The following USH1G variants were observed in gnomAD, a reference collection of about 807,000 sequenced individuals.
USH1G encodes the protein pre-mRNA splicing regulator USH1G.
In USH1G, 27 loss-of-function variants were observed where a neutral mutation model predicts 31.9. The observed-to-expected ratio is 0.85, with a 90% confidence interval of 0.62 to 1.17. USH1G has a LOEUF of 1.17. Ranked by LOEUF, USH1G falls within the 50% of genes most tolerant of loss-of-function variation. The pLI, the probability that USH1G is intolerant of heterozygous loss-of-function variation, is 0.00. For missense variants in USH1G, 674 were observed against 638.9 expected (o/e 1.05, Z -0.59); for synonymous variants, 266 against 283.2 (o/e 0.94, Z 0.61).
chr17:74,922,768 C>T (rs1424116845), intron 1 of USH1G, 142 bp downstream of exon 1: 9 of 992,500 alleles, frequency 9.1e-6, no homozygotes, highest in African/African-American at 3.4e-5. Flanking sequence ...CTTGGGTCCC[C>T]TCAACATGTG....
In USH1G at chr17:74,920,739, A is replaced by AG. The variant is rs2038933631; in HGVS notation, c.165-69dup. On this transcript the variant is annotated intron_variant, in intron 1 of 2. Transcript: ENST00000614341. The surrounding 1 kb of genome is among the most constrained non-coding windows in gnomAD (Gnocchi z 5.2). ...CTGGGGATGGAGGTGGAGGGAGTGG[A>AG]GGGGGGAGGGGAGCTTCCCCACTGT... 5.4e-6 allele frequency: 6 copies of AG among 1,119,472 alleles called. No homozygotes were observed. Among genetic ancestry groups the AG allele is most frequent in the Admixed American group, 1.9e-5 (1 of 53,002 alleles). The allele number at this position is 1,119,472 out of a possible 1,614,324, so 69.3% of individuals were successfully genotyped here. A position where few individuals can be genotyped will look rare whatever the true frequency, so the allele number is the denominator to read the frequency against.
At position 74,919,377 on chromosome 17, in the gene USH1G, T is replaced by A; in HGVS notation, c.1382+77A>T. On this transcript the variant is annotated intron_variant, in intron 2 of 2. Coordinates refer to ENST00000614341, the MANE Select transcript of USH1G (RefSeq NM_173477.5). This position sits in a 1 kb window ranked among gnomAD's most constrained non-coding sequence, Gnocchi z 4.5. Reference sequence around the variant, plus strand: ...GTATCCCCCACCCCCTACTCCTGAATAGGCAGATCTGTACCCCCTCCCCAG... The same window carrying A: ...GTATCCCCCACCCCCTACTCCTGAAAAGGCAGATCTGTACCCCCTCCCCAG... The A allele has an allele frequency of 2.4e-5, 30 of 1,241,244 alleles. No individual in the cohort carries two copies. Among genetic ancestry groups the A allele is most frequent in the Non-Finnish European group, 2.9e-5 (27 of 917,200 alleles). The allele number at this position is 1,241,244 out of a possible 1,614,324, so 76.9% of individuals were successfully genotyped here.
chr17:74,919,525 CTTTCGG>C lies in USH1G; in HGVS notation c.1305_1310del (p.Arg436_Lys437del), dbSNP rs2038906197. The C allele has an allele frequency of 1.2e-6, 2 of 1,611,914 alleles. No individual in the cohort carries two copies. The highest frequency in any genetic ancestry group is 3.3e-5 in the Admixed American group (2 of 60,004). On this transcript the variant is annotated inframe_deletion, in exon 2 of 3. Transcript: ENST00000614341. The surrounding 1 kb of genome is among the most constrained non-coding windows in gnomAD (Gnocchi z 4.5). The stretch of plus-strand genomic sequence containing the variant: ...GCCTCCTCACGGCCCCCAAGATCTT[CTTTCGG>C]GGCCCCAGTGGGACGCTGATGCTGC...
Position 74,920,188 on chromosome 17 carries a change from C to T in USH1G, c.648G>A (p.Met216Ile). The T allele has an allele frequency of 6.2e-7, 1 of 1,602,392 alleles. No individual in the cohort carries two copies. The highest frequency in any genetic ancestry group is 8.5e-7 in the Non-Finnish European group (1 of 1,179,832). Reference sequence around the variant, plus strand: ...GCTTGCGCCGCTCCAGCTTCTTCTGCATCTTGGTCTTGCCCCTGGCCGTGC... The same window carrying T: ...GCTTGCGCCGCTCCAGCTTCTTCTGTATCTTGGTCTTGCCCCTGGCCGTGC... ...LHGTARGKTK[M>I]QKKLERRKQG... Residue 216 changes from methionine to isoleucine, a missense_variant, in exon 2 of 3, where the codon ATG (methionine) becomes ATA (isoleucine). Coordinates refer to ENST00000614341, the MANE Select transcript of USH1G (RefSeq NM_173477.5). This position sits in a 1 kb window ranked among gnomAD's most constrained non-coding sequence, Gnocchi z 5.2.
chr17:74,920,780 A>G lies in USH1G; in HGVS notation c.165-109T>C. ...TCCCCACTGTCACAGCAACCCCCAA[A>G]GGGACCGTGGGCCTGAGATCTCTCC... is the stretch of plus-strand genomic sequence containing the variant. On this transcript the variant is annotated intron_variant, in intron 1 of 2. Transcript: ENST00000614341. This position sits in a 1 kb window ranked among gnomAD's most constrained non-coding sequence, Gnocchi z 5.2. 2 of 1,485,940 alleles carry G rather than the reference A, an allele frequency of 1.3e-6. No homozygotes were observed. The highest frequency in any genetic ancestry group is 1.8e-6 in the Non-Finnish European group (2 of 1,099,434). The allele number at this position is 1,485,940 out of a possible 1,614,324, so 92.0% of individuals were successfully genotyped here.
Position 74,919,705 on chromosome 17 carries a change from GA to G in USH1G, c.1130del (p.Leu377ProfsTer3). ...CCAGGTCCTCGTCCAAGCCTAAATC[GA>G]GCTCATCCCAGGGCAGCTCCTCCCC... Reference protein sequence around the residue: ...SCGEELPWDELDLGLDEDLEP... With the variant: ...SCGEELPWDEXDLGLDEDLEP... On this transcript the variant is annotated frameshift_variant, in exon 2 of 3. Coordinates refer to ENST00000614341, the MANE Select transcript of USH1G (RefSeq NM_173477.5). LOFTEE classifies it high-confidence loss of function. The surrounding 1 kb of genome is among the most constrained non-coding windows in gnomAD (Gnocchi z 4.5). 1 of 1,612,864 alleles carries G rather than the reference GA, an allele frequency of 6.2e-7. No homozygotes were observed. Among genetic ancestry groups the G allele is most frequent in the Non-Finnish European group, 8.5e-7 (1 of 1,180,012 alleles).
At position 74,919,925 on chromosome 17, in the gene USH1G, T is replaced by G; in HGVS notation, c.911A>C (p.Asp304Ala). The change falls in exon 2 of 3, where the codon GAC becomes GCC. Residue 304 changes from aspartate (D) to alanine (A), a missense_variant. By Grantham distance (126) the Asp-to-Ala change is moderately radical. Transcript: ENST00000614341. This position sits in a 1 kb window ranked among gnomAD's most constrained non-coding sequence, Gnocchi z 4.5. ...HSEVSTDSGH[D>A]SLFTRPGLGT... ...CAGGCCGGGGCGGGTAAACAGGGAG[T>G]CGTGGCCTGAGTCGGTGCTGACCTC... The G allele has an allele frequency of 6.2e-7, 1 of 1,611,610 alleles. No individual in the cohort carries two copies. The highest frequency in any genetic ancestry group is 8.5e-7 in the Non-Finnish European group (1 of 1,179,476).
chr17:74,920,742 G>C lies in USH1G; in HGVS notation c.165-71C>G, dbSNP rs533235580. The C allele has an allele frequency of 1.6e-5, 25 of 1,589,326 alleles. 1 individual carries two copies. The South Asian group carries it at 2.5e-4, about 16-fold the overall frequency. ...GGGATGGAGGTGGAGGGAGTGGAGG[G>C]GGGAGGGGAGCTTCCCCACTGTCAC... is the stretch of plus-strand genomic sequence containing the variant. On this transcript the variant is annotated intron_variant, in intron 1 of 2. Transcript: ENST00000614341. The surrounding 1 kb of genome is among the most constrained non-coding windows in gnomAD (Gnocchi z 5.2).
At position 74,917,423 on chromosome 17, in the gene USH1G, G is replaced by A. The variant is rs2038881569; in HGVS notation, c.*650C>T. 2 of 154,716 alleles carry A rather than the reference G, an allele frequency of 1.3e-5. No homozygotes were observed. The highest frequency in any genetic ancestry group is 6.3e-5 in the Admixed American group (1 of 15,892). 9.6% of individuals were successfully genotyped at this position (154,716 alleles called of 1,614,324 possible). On this transcript the variant is annotated 3_prime_UTR_variant, in exon 3 of 3. Coordinates refer to ENST00000614341, the MANE Select transcript of USH1G (RefSeq NM_173477.5). Reference sequence around the variant, plus strand: ...GCCAGGCTCCACCCCTGGATGAGCTGGGAAGGGCGTCAGTACCCCCACCCC... The same window carrying A: ...GCCAGGCTCCACCCCTGGATGAGCTAGGAAGGGCGTCAGTACCCCCACCCC...
rs112795605 is a variant in USH1G, at chr17:74,922,394, C to A, written c.164+516G>T. Among the ~76,000 whole-genome samples the A allele has an allele frequency of 6.6e-3, 999 of 152,204 alleles. 10 individuals carry two copies. The highest frequency in any genetic ancestry group is 0.02 in the African/African-American group (836 of 41,504). On this transcript the variant is annotated intron_variant, in intron 1 of 2. Coordinates refer to ENST00000614341, the MANE Select transcript of USH1G (RefSeq NM_173477.5). Reference sequence around the variant, plus strand: ...GAGTGGCTGAATCAGTGACATTTGGCGCCCTGGACAGTGTCCATAAATCCC... The same window carrying A: ...GAGTGGCTGAATCAGTGACATTTGGAGCCCTGGACAGTGTCCATAAATCCC...
chr17:74,920,093 TG>T lies in USH1G; in HGVS notation c.742del (p.Gln248SerfsTer6). On this transcript the variant is annotated frameshift_variant, in exon 2 of 3. Coordinates refer to ENST00000614341, the MANE Select transcript of USH1G (RefSeq NM_173477.5). LOFTEE classifies it high-confidence loss of function. The surrounding 1 kb of genome is among the most constrained non-coding windows in gnomAD (Gnocchi z 5.2). ...CACGAACATCACGTCGCTGCCCAGC[TG>T]CAGGCCCGAGAGCGAGCGGGCGCTC... Reference protein sequence around the residue: ...RKSARSLSGLQLGSDVMFVRQ... With the variant: ...RKSARSLSGLXLGSDVMFVRQ... The T allele has an allele frequency of 6.2e-7, 1 of 1,604,740 alleles. No homozygotes were observed. The highest frequency in any genetic ancestry group is 2.2e-5 in the East Asian group (1 of 44,858).
In USH1G at chr17:74,921,745, C is replaced by A. The variant is rs984898173; in HGVS notation, c.165-1074G>T. ...GGGGCTTGGTGTACCCAAGGGGAGC[C>A]CTCTTCCCCTCCTCTCATGAGCCTC... On this transcript the variant is annotated intron_variant, in intron 1 of 2. Coordinates refer to ENST00000614341, the MANE Select transcript of USH1G (RefSeq NM_173477.5). This position sits in a 1 kb window ranked among gnomAD's most constrained non-coding sequence, Gnocchi z 4.6. Among the ~76,000 whole-genome samples the A allele has an allele frequency of 2.0e-5, 3 of 152,164 alleles. No homozygotes were observed. Among genetic ancestry groups the A allele is most frequent in the Non-Finnish European group, 4.4e-5 (3 of 68,020 alleles).
At position 74,919,840 on chromosome 17, in the gene USH1G, C is replaced by A; in HGVS notation, c.996G>T (p.Glu332Asp). 6.2e-7 allele frequency: 1 copy of A among 1,613,110 alleles called. No homozygotes were observed. Among genetic ancestry groups the A allele is most frequent in the Non-Finnish European group, 8.5e-7 (1 of 1,179,966 alleles). Reference sequence around the variant, plus strand: ...CTCCCACCCCATCCAGACCCCCATCCTCGCGGCCCAGTCCGTGCAGCCCAC... The same window carrying A: ...CTCCCACCCCATCCAGACCCCCATCATCGCGGCCCAGTCCGTGCAGCCCAC... Reference protein sequence around the residue: ...LSSGLHGLGREDGGLDGVGAP... With the variant: ...LSSGLHGLGRDDGGLDGVGAP... Residue 332 changes from glutamate (E) to aspartate (D), a missense_variant, in exon 2 of 3, where the codon GAG becomes GAT. Physicochemically the swap from Glu to Asp is conservative, Grantham distance 45 (BLOSUM62 2). Transcript: ENST00000614341. The surrounding 1 kb of genome is among the most constrained non-coding windows in gnomAD (Gnocchi z 4.5).
Position 74,920,814 on chromosome 17 carries a change from G to A in USH1G, c.165-143C>T, listed in dbSNP as rs566064201. ...GGGCCTGAGATCTCTCCCACTCCAG[G>A]AGACCTGCAGGCCTGAGCCACCCAA... On this transcript the variant is annotated intron_variant, in intron 1 of 2. Coordinates refer to ENST00000614341, the MANE Select transcript of USH1G (RefSeq NM_173477.5). The surrounding 1 kb of genome is among the most constrained non-coding windows in gnomAD (Gnocchi z 5.2). 14 of 1,299,930 alleles carry A rather than the reference G, an allele frequency of 1.1e-5. No homozygotes were observed. In the East Asian group the frequency reaches 3.5e-4, roughly 33 times the overall value. 80.5% of individuals were successfully genotyped at this position (1,299,930 alleles called of 1,614,324 possible).
chr17:74,923,075 G>C lies in USH1G; in HGVS notation c.-2C>G, dbSNP rs758940726. On this transcript the variant is annotated 5_prime_UTR_variant, in exon 1 of 3. Coordinates refer to ENST00000614341, the MANE Select transcript of USH1G (RefSeq NM_173477.5). The surrounding 1 kb of genome is among the most constrained non-coding windows in gnomAD (Gnocchi z 5.3). ...TGCCCGGTGGTACTGGTCGTTCATG[G>C]CGCCCGAAGTGGACGGGGCGGGCGG... is the stretch of plus-strand genomic sequence containing the variant. The C allele has an allele frequency of 6.3e-7, 1 of 1,580,474 alleles. No individual in the cohort carries two copies. Among genetic ancestry groups the C allele is most frequent in the African/African-American group, 1.3e-5 (1 of 74,296 alleles).
In USH1G at chr17:74,918,346, G is replaced by A. The variant is rs185255718; in HGVS notation, c.1383-270C>T. On this transcript the variant is annotated intron_variant, in intron 2 of 2. Coordinates refer to ENST00000614341, the MANE Select transcript of USH1G (RefSeq NM_173477.5). The surrounding 1 kb of genome is among the most constrained non-coding windows in gnomAD (Gnocchi z 4.1). ...GAGGACAAAGTTTGTTGGGCCTGTGGGATGCCATTGGGGAGGGGCCAGGGC... is the reference window on the plus strand; with the variant it reads ...GAGGACAAAGTTTGTTGGGCCTGTGAGATGCCATTGGGGAGGGGCCAGGGC... Among the ~76,000 whole-genome samples the A allele has an allele frequency of 2.6e-5, 4 of 152,306 alleles. No individual in the cohort carries two copies. The highest frequency in any genetic ancestry group is 1.5e-5 in the Non-Finnish European group (1 of 68,018).
In USH1G at chr17:74,919,951, C is replaced by G. The variant is rs573443794; in HGVS notation, c.885G>C (p.Ser295=). 1.2e-6 allele frequency: 2 copies of G among 1,611,912 alleles called. No individual in the cohort carries two copies. Among genetic ancestry groups the G allele is most frequent in the East Asian group, 4.5e-5 (2 of 44,848 alleles). The part of the protein sequence containing the change: ...RATLAAEPAH[S]EVSTDSGHDS... Reference sequence around the variant, plus strand: ...CGTGGCCTGAGTCGGTGCTGACCTCCGAGTGGGCAGGCTCGGCCGCCAGCG... The same window carrying G: ...CGTGGCCTGAGTCGGTGCTGACCTCGGAGTGGGCAGGCTCGGCCGCCAGCG... Residue 295 remains serine, a synonymous_variant, in exon 2 of 3, where the codon TCG becomes TCC. Transcript: ENST00000614341. The surrounding 1 kb of genome is among the most constrained non-coding windows in gnomAD (Gnocchi z 4.5).
chr17:74,921,485 C>T lies in USH1G; in HGVS notation c.165-814G>A, dbSNP rs1034661772. Reference sequence around the variant, plus strand: ...CCAGGGCAAGCTCCCAAGACTCCTCCGGAGCTCTCCCTCCCTTGGGGGCCC... The same window carrying T: ...CCAGGGCAAGCTCCCAAGACTCCTCTGGAGCTCTCCCTCCCTTGGGGGCCC... On this transcript the variant is annotated intron_variant, in intron 1 of 2. Coordinates refer to ENST00000614341, the MANE Select transcript of USH1G (RefSeq NM_173477.5). This position sits in a 1 kb window ranked among gnomAD's most constrained non-coding sequence, Gnocchi z 4.6. Among the ~76,000 whole-genome samples, 3 of 151,836 alleles carry T rather than the reference C, an allele frequency of 2.0e-5. No individual in the cohort carries two copies. Among genetic ancestry groups the T allele is most frequent in the Non-Finnish European group, 4.4e-5 (3 of 67,860 alleles).
In USH1G at chr17:74,918,178, C is replaced by G; in HGVS notation, c.1383-102G>C. ...TCTGGACAACTTAGCCTCCCCATCT[C>G]TCGGCAGGCCAATTGTCAGGGATGG... On this transcript the variant is annotated intron_variant, in intron 2 of 2. Transcript: ENST00000614341. This position sits in a 1 kb window ranked among gnomAD's most constrained non-coding sequence, Gnocchi z 4.1. 6.6e-7 allele frequency: 1 copy of G among 1,511,954 alleles called. No individual in the cohort carries two copies. The highest frequency in any genetic ancestry group is 9.1e-7 in the Non-Finnish European group (1 of 1,103,514). The allele number at this position is 1,511,954 out of a possible 1,614,324, so 93.7% of individuals were successfully genotyped here.
Sources: gnomAD v4.1 joint callset for allele counts (sites outside exome capture counted in the v4.1 genomes callset) on GRCh38, gnomAD v4.1.1 for gene constraint, Gnocchi (gnomAD v3.1) non-coding constraint, MANE v1.5 for transcripts, NCBI Gene and HGNC (gene_info 2026-07-23, HGNC 2026-07-21) for gene names.